Variants in RGS5 observed in about 807,000 individuals in gnomAD.
The protein encoded by RGS5 is regulator of G protein signaling 5.
RGS5 carries 20 observed loss-of-function variants against 18.9 expected under a neutral mutation model. The observed-to-expected ratio is 1.06, with a 90% CI of 0.74 to 1.54. The LOEUF is 1.54. Among genes scored for constraint, RGS5 ranks in the 40% most tolerant of loss-of-function variants. The pLI is 0.00. For synonymous variants in RGS5, 57 were observed against 76.2 expected (o/e 0.75, Z 1.31); for missense variants, 201 against 211.8 (o/e 0.95, Z 0.32).
chr1:163,171,816 T>A (rs1388541643), intron 1 of RGS5, among the ~76,000 whole-genome samples: 1 of 152,182 alleles, frequency 6.6e-6, no homozygotes, highest in Non-Finnish European at 1.5e-5. Flanking sequence ...CACCATTAGG[T>A]TTGCTCCTTG....
intron 1 of RGS5, among the ~76,000 whole-genome samples, chr1:163,193,455 G>A (rs1158731926): frequency 6.8e-6 from 1 of 148,092 alleles, no homozygotes; most frequent in Non-Finnish European, 1.5e-5. Flanking sequence ...GGAATGCCTT[G>A]CAAATAAATA....
chr1:163,308,448 A>T (rs1649764666), intron 1 of RGS5: 1 of 152,250 alleles, frequency 6.6e-6, no homozygotes, highest in Non-Finnish European at 1.5e-5. Context: ...ATCTATTATA[A>T]TCATCTAGAA....
chr1:163,158,002 A>G (rs1657656809), intron 3 of RGS5, among the ~76,000 whole-genome samples: 1 of 152,112 alleles, frequency 6.6e-6, no homozygotes, highest in East Asian at 1.9e-4. Flanking sequence ...TTAGATGTAT[A>G]TATGTCCCAA....
In RGS5 at chr1:163,274,444, TC is replaced by T. The variant is rs1225798724; in HGVS notation, c.-281+31788del. ...AGAAGCTCCTGTGCTAGGATCCCTT[TC>T]AGACCTTGTCCTATGTACCTTTTCA... On this transcript the variant is annotated intron_variant, in intron 2 of 5. Coordinates refer to the RGS5 transcript ENST00000618415. Among the ~76,000 whole-genome samples, 6 of 152,124 alleles carry T rather than the reference TC, an allele frequency of 3.9e-5. No homozygotes were observed. The East Asian group carries it at 1.2e-3, about 29-fold the overall frequency.
chr1:163,216,126 GT>G, intron 1 of RGS5, among the ~76,000 whole-genome samples: 2 of 152,142 alleles, frequency 1.3e-5, no homozygotes, highest in Middle Eastern at 3.4e-3. Flanking sequence ...AAATTAAACA[GT>G]TTTTTTCACC....
Position 163,274,915 on chromosome 1 carries a change from A to G in RGS5, c.-281+31318T>C, listed in dbSNP as rs1480551401. ...AAGGATCGCTTGAGCCAACGAGTTCAAGACCAGCCTGGGCAACATAGGGAA... is the reference window on the plus strand; with the variant it reads ...AAGGATCGCTTGAGCCAACGAGTTCGAGACCAGCCTGGGCAACATAGGGAA... On this transcript the variant is annotated intron_variant, in intron 2 of 5. Transcript: ENST00000618415. Among the ~76,000 whole-genome samples the G allele has an allele frequency of 3.3e-5, 5 of 152,138 alleles. No homozygotes were observed. The South Asian group carries it at 8.3e-4, about 25-fold the overall frequency.
rs116412083 is a variant in RGS5, at chr1:163,253,026, T to C, written c.-281+53207A>G. On this transcript the variant is annotated intron_variant, in intron 2 of 5. Coordinates refer to the RGS5 transcript ENST00000618415. Reference sequence around the variant, plus strand: ...CTGTGATGAAAGTGTTGCAGGATACTGATTGGGAACACTAAACAATAGGTA... The same window carrying C: ...CTGTGATGAAAGTGTTGCAGGATACCGATTGGGAACACTAAACAATAGGTA... Among the ~76,000 whole-genome samples the C allele has an allele frequency of 4.2e-3, 638 of 152,308 alleles. 3 individuals are homozygous for C. The highest frequency in any genetic ancestry group is 0.014 in the African/African-American group (591 of 41,582).
chr1:163,311,834 T>C (rs544868391), intron 1 of RGS5, among the ~76,000 whole-genome samples: 2 of 152,348 alleles, frequency 1.3e-5, no homozygotes, highest in Admixed American at 1.3e-4. Flanking sequence ...AAGACACAAA[T>C]TGAGCACATG....
upstream of RGS5, among the ~76,000 whole-genome samples, chr1:163,222,425 G>A (rs1012112027): frequency 3.3e-5 from 5 of 151,944 alleles, no homozygotes; most frequent in Non-Finnish European, 7.4e-5. Flanking sequence ...TGTCTTCCAT[G>A]ACACCGGTCC....
chr1:163,321,705 C>T (rs1271273057), exon 1 of RGS5: 1 of 152,208 alleles, frequency 6.6e-6, no homozygotes, highest in Admixed American at 6.5e-5. Context: ...CCCGAAAACG[C>T]TCTAAACGCT....
At chr1:163,286,822 T>A (rs35002667) in intron 2 of RGS5, among the ~76,000 whole-genome samples, 22,179 of 152,066 alleles carry the variant, frequency 0.15, 1,917 homozygotes, top group Non-Finnish European at 0.19. Context: ...AAAAAAATTT[T>A]AAGTTTTTGT....
At chr1:163,316,147 A>G (rs964611459) in intron 1 of RGS5, among the ~76,000 whole-genome samples, 5 of 152,226 alleles carry the variant, frequency 3.3e-5, no homozygotes, top group Admixed American at 2.6e-4. Flanking sequence ...TTACCCATTT[A>G]TAACTACAGT....
At chr1:163,196,125 G>T (rs1021562061) in intron 1 of RGS5, among the ~76,000 whole-genome samples, 1 of 152,166 alleles carries the variant, frequency 6.6e-6, no homozygotes, top group Admixed American at 6.5e-5. Flanking sequence ...AAACAATCAG[G>T]CTTTCACTGT....
chr1:163,307,759 A>C (rs925703457), intron 1 of RGS5, among the ~76,000 whole-genome samples: 1 of 152,188 alleles, frequency 6.6e-6, no homozygotes, highest in South Asian at 2.1e-4. Context: ...AAAGGAAAGA[A>C]AAGAAGTAAA....
chr1:163,232,514 C>T (rs12080270), intron 2 of RGS5, among the ~76,000 whole-genome samples: 62,407 of 151,842 alleles, frequency 0.41, 13,069 homozygotes, highest in Non-Finnish European at 0.44. Flanking sequence ...TCTTCAGAGA[C>T]TAGGAAATCT....
intron 4 of RGS5, among the ~76,000 whole-genome samples, chr1:163,148,815 C>T (rs541563961): frequency 7.2e-5 from 11 of 152,088 alleles, no homozygotes; most frequent in Non-Finnish European, 1.3e-4. Flanking sequence ...CCATGTTGTA[C>T]GATTTAATGG....
At chr1:163,223,223 G>C (rs1647268159) in intron 2 of RGS5, among the ~76,000 whole-genome samples, 1 of 152,080 alleles carries the variant, frequency 6.6e-6, no homozygotes, top group Admixed American at 6.5e-5. Flanking sequence ...CTGTGTCCCT[G>C]TTGCCCATTA....
At chr1:163,211,755 G>A (rs770564199) in intron 1 of RGS5, 1 of 152,076 alleles carries the variant, frequency 6.6e-6, no homozygotes, top group Non-Finnish European at 1.5e-5. Flanking sequence ...TAAACAAGGA[G>A]TCCTACTCTG....
At chr1:163,276,407 A>G (rs1259324833) in intron 2 of RGS5, among the ~76,000 whole-genome samples, 3 of 152,182 alleles carry the variant, frequency 2.0e-5, no homozygotes, top group African/African-American at 4.8e-5. Flanking sequence ...ACTGGGTACA[A>G]TACTCTCAGT....
Sources: gnomAD v4.1 joint callset for allele counts (sites outside exome capture counted in the v4.1 genomes callset) on GRCh38, gnomAD v4.1.1 for gene constraint, MANE v1.5 for transcripts, NCBI Gene and HGNC (gene_info 2026-07-23, HGNC 2026-07-21) for gene names.